The following ABI1 variants were observed in gnomAD, a reference collection of about 807,000 sequenced individuals.
The protein encoded by ABI1 is Abelson interactor 1.
Under a neutral mutation model 54.6 loss-of-function variants are expected in ABI1, and 14 were observed. That is an observed-to-expected ratio of 0.26 (90% CI 0.17 to 0.40). The LOEUF (loss-of-function observed/expected upper bound fraction) is 0.40. Among genes scored for constraint, ABI1 ranks in the 10% least tolerant of loss-of-function variants. ABI1 has a pLI of 1.00. For missense variants in ABI1, 443 were observed against 598.3 expected, an observed-to-expected ratio of 0.74 and a Z score of 2.71; for synonymous variants, 194 against 209.3, an observed-to-expected ratio of 0.93 and a Z score of 0.63.
At chr10:26,763,823 G>T in intron 7 of ABI1, 1 of 1,471,736 alleles carries the variant, frequency 6.8e-7, no homozygotes, top group Non-Finnish European at 9.5e-7. Context: ...GCACAGAGGA[G>T]TTTATTATGA....
At chr10:26,755,623 A>C in intron 9 of ABI1, 32 bp downstream of exon 9, 1 of 1,542,592 alleles carries the variant, frequency 6.5e-7, no homozygotes, top group South Asian at 1.1e-5. Flanking sequence ...GACAGCCTCT[A>C]CTCTTCCATA....
intron 1 of ABI1, among the ~76,000 whole-genome samples, chr10:26,848,200 CAAAAA>C (rs149066426): frequency 1.3e-5 from 1 of 78,682 alleles, no homozygotes; most frequent in Non-Finnish European, 2.5e-5. Context: ...GACCCTGTCT[CAAAAA>C]AAAAAAAAAA....
intron 6 of ABI1, among the ~76,000 whole-genome samples, chr10:26,766,356 T>C (rs1381006944): frequency 1.3e-5 from 2 of 152,170 alleles, no homozygotes; most frequent in Admixed American, 6.5e-5. Flanking sequence ...TTTATAGTAA[T>C]GTGTGTACAT....
chr10:26,809,856 T>C (rs2047118299), intron 2 of ABI1, among the ~76,000 whole-genome samples: 1 of 152,316 alleles, frequency 6.6e-6, no homozygotes, highest in South Asian at 2.1e-4. Flanking sequence ...TAGCATGCCC[T>C]GATTCCACAA....
At chr10:26,752,486 T>C (rs1348791764) in intron 9 of ABI1, among the ~76,000 whole-genome samples, 2 of 152,264 alleles carry the variant, frequency 1.3e-5, no homozygotes, top group South Asian at 2.1e-4. Flanking sequence ...AGCTAAAATT[T>C]TGCATTATTG....
chr10:26,748,300 G>A lies in ABI1; in HGVS notation c.*270C>T. The A allele has an allele frequency of 3.2e-6, 1 of 307,874 alleles. No individual in the cohort carries two copies. Among genetic ancestry groups the A allele is most frequent in the Non-Finnish European group, 6.1e-6 (1 of 164,936 alleles). The allele number at this position is 307,874 out of a possible 1,614,324, so 19.1% of individuals were successfully genotyped here. A position where few individuals can be genotyped will look rare whatever the true frequency, so the allele number is the denominator to read the frequency against. On this transcript the variant is annotated 3_prime_UTR_variant, in exon 11 of 11. Transcript: ENST00000376140. ...TAAATATTATACCCCACTTCCCCCA[G>A]AATATTTAGGCTGGTCATAAAGTTA...
At chr10:26,796,715 C>T (rs1387461687) in intron 2 of ABI1, among the ~76,000 whole-genome samples, 1 of 152,210 alleles carries the variant, frequency 6.6e-6, no homozygotes, top group East Asian at 1.9e-4. Context: ...ATCTGCTTCA[C>T]TATAGTAACT....
At chr10:26,760,456 A>T (rs956945465) in intron 7 of ABI1, among the ~76,000 whole-genome samples, 5 of 152,230 alleles carry the variant, frequency 3.3e-5, no homozygotes, top group African/African-American at 7.2e-5. Context: ...GGAACTCCCA[A>T]GTCATAGGCA....
At chr10:26,832,402 G>GA (rs2048741703) in intron 1 of ABI1, among the ~76,000 whole-genome samples, 1 of 151,942 alleles carries the variant, frequency 6.6e-6, no homozygotes, top group African/African-American at 2.4e-5. Context: ...CTAACACAAT[G>GA]AAACCCTATC....
At chr10:26,790,089 A>G (rs1843220137) in intron 2 of ABI1, among the ~76,000 whole-genome samples, 1 of 152,184 alleles carries the variant, frequency 6.6e-6, no homozygotes, top group South Asian at 2.1e-4. Flanking sequence ...GCTACAGTGA[A>G]CATACATGTG....
Position 26,823,243 on chromosome 10 carries a change from A to G in ABI1, c.180T>C (p.Ser60=). The G allele has an allele frequency of 6.2e-7, 1 of 1,604,760 alleles. No individual in the cohort carries two copies. The highest frequency in any genetic ancestry group is 8.5e-7 in the Non-Finnish European group (1 of 1,177,112). Residue 60 remains serine, a synonymous_variant, in exon 2 of 11, where the codon AGT becomes AGC. Coordinates refer to ENST00000376140, the MANE Select transcript of ABI1 (RefSeq NM_001012750.3). ...TKAYTTQSLA[S]VAYQINALAN... ...CCAATGCATTTATTTGATAAGCAACACTAGCTAGAGATTGGGTTGTATAGG... is the reference window on the plus strand; with the variant it reads ...CCAATGCATTTATTTGATAAGCAACGCTAGCTAGAGATTGGGTTGTATAGG...
At chr10:26,806,273 A>T (rs2046871047) in intron 2 of ABI1, among the ~76,000 whole-genome samples, 1 of 152,228 alleles carries the variant, frequency 6.6e-6, no homozygotes, top group African/African-American at 2.4e-5. Context: ...ACAATTTCTG[A>T]TCTATCAATA....
At position 26,801,169 on chromosome 10, in the gene ABI1, A is replaced by C. The variant is rs145198026; in HGVS notation, c.285+21969T>G. On this transcript the variant is annotated intron_variant, in intron 2 of 10. Transcript: ENST00000376140. ...TACTTGAATGGAATTTGTTGATTAG[A>C]TGGTAGCAATGTATCAGTGGTAATC... 4.0e-3 allele frequency among the ~76,000 whole-genome samples: 604 copies of C among 152,344 alleles called. 1 individual carries two copies. Among genetic ancestry groups the C allele is most frequent in the African/African-American group, 0.014 (572 of 41,580 alleles).
chr10:26,800,593 A>G (rs2046482907), intron 2 of ABI1, among the ~76,000 whole-genome samples: 1 of 152,214 alleles, frequency 6.6e-6, no homozygotes, highest in African/African-American at 2.4e-5. Flanking sequence ...CCTGGGAAAC[A>G]TAGTGAGAAC....
In ABI1 at chr10:26,748,818, CAATT is replaced by C. The variant is rs775227312; in HGVS notation, c.1271-77_1271-74del. The C allele has an allele frequency of 1.9e-3, 1,685 of 873,100 alleles. 4 individuals carry two copies. Among genetic ancestry groups the C allele is most frequent in the Non-Finnish European group, 2.5e-3 (1,468 of 592,340 alleles). The allele number at this position is 873,100 out of a possible 1,614,324, so 54.1% of individuals were successfully genotyped here. A position where few individuals can be genotyped will look rare whatever the true frequency, so the allele number is the denominator to read the frequency against. Reference sequence around the variant, plus strand: ...ATTTACTTGAATTTTAAGACAAAGACAATTAAATATATAGCACAGCAAAACTATT... The same window carrying C: ...ATTTACTTGAATTTTAAGACAAAGACAAATATATAGCACAGCAAAACTATT... On this transcript the variant is annotated intron_variant, in intron 10 of 10. Coordinates refer to ENST00000376140, the MANE Select transcript of ABI1 (RefSeq NM_001012750.3).
At chr10:26,848,063 C>T (rs1008568077) in intron 1 of ABI1, among the ~76,000 whole-genome samples, 10 of 151,576 alleles carry the variant, frequency 6.6e-5, no homozygotes, top group Non-Finnish European at 1.0e-4. Context: ...TAGCTGGGCA[C>T]GGTGGCACAC....
intron 2 of ABI1, among the ~76,000 whole-genome samples, chr10:26,789,496 G>A (rs1365384905): frequency 1.3e-5 from 2 of 152,060 alleles, no homozygotes; most frequent in Admixed American, 6.5e-5. Context: ...AACATCAAAT[G>A]ACAATAAAAG....
intron 2 of ABI1, among the ~76,000 whole-genome samples, chr10:26,819,571 C>T (rs1239479702): frequency 6.6e-6 from 1 of 152,126 alleles, no homozygotes; most frequent in African/African-American, 2.4e-5. Flanking sequence ...TATCAACCAA[C>T]TTGACTTAAT....
At chr10:26,784,562 G>C (rs140159275) in intron 2 of ABI1, among the ~76,000 whole-genome samples, 2,257 of 152,184 alleles carry the variant, frequency 0.015, 44 homozygotes, top group African/African-American at 0.046. Context: ...GGGGGAATGG[G>C]GGGAGCGGGG....
Sources: allele counts gnomAD v4.1 joint callset (sites outside exome capture counted in the v4.1 genomes callset), GRCh38; gene constraint gnomAD v4.1.1; transcripts MANE v1.5; gene names NCBI Gene and HGNC (gene_info 2026-07-23, HGNC 2026-07-21).